The following MYOCD variants were observed in gnomAD, a reference collection of about 807,000 sequenced individuals.
The protein encoded by MYOCD is myocardin.
Under a neutral mutation model 96.1 loss-of-function variants are expected in MYOCD, and 32 were observed. That is an observed-to-expected ratio of 0.33 (90% CI 0.25 to 0.45). MYOCD has a LOEUF of 0.45. Among genes scored for constraint, MYOCD ranks in the 20% least tolerant of loss-of-function variants. MYOCD has a pLI of 1.00. For missense variants in MYOCD, 1,133 were observed against 1,200.6 expected, an observed-to-expected ratio of 0.94 and a Z score of 0.83; for synonymous variants, 469 against 469.0, an observed-to-expected ratio of 1.00 and a Z score of 0.00.
At chr17:12,696,449 T>C (rs1280668932) in intron 1 of MYOCD, among the ~76,000 whole-genome samples, 6 of 152,056 alleles carry the variant, frequency 3.9e-5, no homozygotes, top group African/African-American at 1.4e-4. Flanking sequence ...GTGAAATTGA[T>C]GGATCATACA....
At chr17:12,716,985 C>CAAAAAA (rs56992216) in intron 3 of MYOCD, among the ~76,000 whole-genome samples, 17 of 112,944 alleles carry the variant, frequency 1.5e-4, no homozygotes, top group Admixed American at 1.9e-4. Flanking sequence ...GATGCTGTCT[C>CAAAAAA]AAAAAAAAAA....
intron 5 of MYOCD, among the ~76,000 whole-genome samples, chr17:12,725,903 A>C (rs1245799453): frequency 6.6e-6 from 1 of 152,126 alleles, no homozygotes; most frequent in Non-Finnish European, 1.5e-5. Context: ...AACGCTTTTA[A>C]AGCATATCAA....
intron 10 of MYOCD, among the ~76,000 whole-genome samples, chr17:12,756,042 A>C (rs1293686819): frequency 1.3e-5 from 2 of 152,158 alleles, no homozygotes; most frequent in African/African-American, 4.8e-5. Flanking sequence ...GTGTCACGTT[A>C]AAAAGTAGAG....
At chr17:12,667,724 A>G (rs563258635) in intron 1 of MYOCD, among the ~76,000 whole-genome samples, 2 of 152,288 alleles carry the variant, frequency 1.3e-5, no homozygotes, top group African/African-American at 4.8e-5. Flanking sequence ...TCCCTCCTTC[A>G]GCTAAAGTGC....
chr17:12,747,105 C>A (rs1164897916), intron 9 of MYOCD, among the ~76,000 whole-genome samples: 1 of 149,062 alleles, frequency 6.7e-6, no homozygotes, highest in Non-Finnish European at 1.5e-5. Flanking sequence ...TTTCACCCTG[C>A]AAGATAAGTT....
intron 6 of MYOCD, among the ~76,000 whole-genome samples, chr17:12,738,330 G>T (rs2032403898): frequency 6.6e-6 from 1 of 152,086 alleles, no homozygotes; most frequent in Non-Finnish European, 1.5e-5. Context: ...GGGCAGCCCT[G>T]GCTCCTTTTT....
chr17:12,684,945 A>G (rs2030022904), intron 1 of MYOCD, among the ~76,000 whole-genome samples: 1 of 151,960 alleles, frequency 6.6e-6, no homozygotes, highest in Admixed American at 6.6e-5. Flanking sequence ...CACAAGTTAT[A>G]CACTTATGAA....
In MYOCD at chr17:12,707,401, C is replaced by T. The variant is rs570831468; in HGVS notation, c.121+2208C>T. On this transcript the variant is annotated intron_variant, in intron 2 of 13. Coordinates refer to ENST00000425538, the MANE Select transcript of MYOCD (RefSeq NM_001146312.3). ...GAGAGTCAAGATATTAGGGGGAAAG[C>T]TGATAAAAAGCACACAGAAGCAGGC... 1.2e-4 allele frequency among the ~76,000 whole-genome samples: 18 copies of T among 152,138 alleles called. No homozygotes were observed. The East Asian group carries it at 3.5e-3, about 29-fold the overall frequency.
intron 3 of MYOCD, among the ~76,000 whole-genome samples, chr17:12,717,088 A>G (rs929676339): frequency 4.6e-5 from 7 of 151,500 alleles, no homozygotes; most frequent in Non-Finnish European, 1.5e-5. Context: ...TGTTATTAAC[A>G]TGTACCAACC....
intron 12 of MYOCD, among the ~76,000 whole-genome samples, chr17:12,759,925 AAG>A (rs940541941): frequency 6.6e-6 from 1 of 152,226 alleles, no homozygotes; most frequent in African/African-American, 2.4e-5. Context: ...CTGTGCTAGA[AAG>A]CATTCTGCCT....
At chr17:12,667,023 C>T (rs1430978649) in intron 1 of MYOCD, among the ~76,000 whole-genome samples, 1 of 152,182 alleles carries the variant, frequency 6.6e-6, no homozygotes, top group Non-Finnish European at 1.5e-5. Flanking sequence ...TTCAGTAGCT[C>T]TGTGTATAAT....
chr17:12,693,006 TTGGA>T lies in MYOCD; in HGVS notation c.56-12121_56-12118del, dbSNP rs1300721584. ...AGATAGTATAGCTCCCATTCTTGAG[TTGGA>T]ACCTAGTTCCAGCCCCGAGCTACAA... is the stretch of plus-strand genomic sequence containing the variant. On this transcript the variant is annotated intron_variant, in intron 1 of 13. Transcript: ENST00000425538. Among the ~76,000 whole-genome samples, 149 of 152,292 alleles carry T rather than the reference TTGGA, an allele frequency of 9.8e-4. 1 individual carries two copies. The highest frequency in any genetic ancestry group is 3.4e-3 in the African/African-American group (141 of 41,568).
At position 12,721,506 on chromosome 17, in the gene MYOCD, A is replaced by AAG. The variant is rs2031838754; in HGVS notation, c.254-1339_254-1338dup. ...ACGATGTTGGTAATGGGGAGTGGGG[A>AAG]AGAAGTTCAAGGTGGGGAAAGGAAA... is the stretch of plus-strand genomic sequence containing the variant. On this transcript the variant is annotated intron_variant, in intron 4 of 13. Transcript: ENST00000425538. Among the ~76,000 whole-genome samples, 2 of 152,114 alleles carry AAG rather than the reference A, an allele frequency of 1.3e-5. 1 individual carries two copies. Among genetic ancestry groups the AAG allele is most frequent in the Admixed American group, 1.3e-4 (2 of 15,272 alleles).
chr17:12,691,977 C>A (rs1020002800), intron 1 of MYOCD, among the ~76,000 whole-genome samples: 7 of 152,142 alleles, frequency 4.6e-5, no homozygotes, highest in East Asian at 3.9e-4. Flanking sequence ...TAATAATCAG[C>A]CCCTTTCAAC....
chr17:12,746,148 C>A, intron 9 of MYOCD, 76 bp downstream of exon 9: 1 of 1,472,102 alleles, frequency 6.8e-7, no homozygotes, highest in Non-Finnish European at 9.4e-7. Context: ...CCAGGACCAA[C>A]TGATATCTGG....
At chr17:12,692,306 C>G (rs1384495562) in intron 1 of MYOCD, among the ~76,000 whole-genome samples, 2 of 152,176 alleles carry the variant, frequency 1.3e-5, no homozygotes, top group South Asian at 4.1e-4. Flanking sequence ...TTCTGCCATC[C>G]AGAAAATAGG....
rs1463231313 is a variant in MYOCD, at chr17:12,758,187, CCATCCTA to C, written c.2306_2312del (p.Pro769LeufsTer5). 7 of 1,614,106 alleles carry C rather than the reference CCATCCTA, an allele frequency of 4.3e-6. No individual in the cohort carries two copies. The highest frequency in any genetic ancestry group is 5.9e-6 in the Non-Finnish European group (7 of 1,179,978). On this transcript the variant is annotated frameshift_variant, in exon 12 of 14. Coordinates refer to ENST00000425538, the MANE Select transcript of MYOCD (RefSeq NM_001146312.3). LOFTEE classifies it high-confidence loss of function. ...AGCAATTTCAGAGGTAACACAGCCT[CCATCCTA>C]TGAAGATGCCGTAAAGCAGGTAACC...
chr17:12,735,556 T>G (rs2150702906), intron 5 of MYOCD, among the ~76,000 whole-genome samples: 1 of 152,300 alleles, frequency 6.6e-6, no homozygotes, highest in East Asian at 1.9e-4. Context: ...TGAGACACAT[T>G]TATGGCTTTT....
intron 11 of MYOCD, among the ~76,000 whole-genome samples, chr17:12,757,769 C>G (rs1597815048): frequency 6.6e-6 from 1 of 152,232 alleles, no homozygotes; most frequent in South Asian, 2.1e-4. Context: ...GCTAGTATTA[C>G]AGCTATGAGC....
Sources: allele counts gnomAD v4.1 joint callset (sites outside exome capture counted in the v4.1 genomes callset), GRCh38; gene constraint gnomAD v4.1.1; transcripts MANE v1.5; gene names NCBI Gene and HGNC (gene_info 2026-07-23, HGNC 2026-07-21).